GPR39: variants seen among roughly 807,000 people sequenced by gnomAD.
The protein encoded by GPR39 is zinc sensing receptor.
In GPR39, 23 loss-of-function variants were observed where a neutral mutation model predicts 18.4. That is an observed-to-expected ratio of 1.25 (90% confidence interval 0.90 to 1.77). The LOEUF is 1.77. Among genes scored for constraint, GPR39 ranks in the 40% most tolerant of loss-of-function variants. The pLI, the probability that GPR39 is intolerant of heterozygous loss-of-function variation, is 0.00. For missense variants in GPR39, 647 were observed against 602.4 expected, an observed-to-expected ratio of 1.07 and a Z score of -0.78; for synonymous variants, 280 against 257.9, an observed-to-expected ratio of 1.09 and a Z score of -0.82.
intron 1 of GPR39, among the ~76,000 whole-genome samples, chr2:132,599,807 G>T (rs1349741877): frequency 1.3e-5 from 2 of 152,180 alleles, no homozygotes; most frequent in African/African-American, 4.8e-5. Context: ...CTGGTAAACT[G>T]AGGTTGGGAT....
intron 1 of GPR39, among the ~76,000 whole-genome samples, chr2:132,609,946 T>C (rs901626937): frequency 2.0e-5 from 3 of 152,052 alleles, no homozygotes; most frequent in Non-Finnish European, 4.4e-5. Context: ...CCAAGTTTCC[T>C]AGTTCTGCAA....
chr2:132,430,893 C>T (rs1353339481), intron 1 of GPR39, among the ~76,000 whole-genome samples: 1 of 152,212 alleles, frequency 6.6e-6, no homozygotes, highest in Non-Finnish European at 1.5e-5. Context: ...TCCATGCAGA[C>T]TTTCCCCAGA....
At chr2:132,567,290 C>G (rs1040390886) in intron 1 of GPR39, among the ~76,000 whole-genome samples, 4 of 152,144 alleles carry the variant, frequency 2.6e-5, no homozygotes, top group African/African-American at 9.7e-5. Context: ...CCACTGCACT[C>G]CAGCCTGGGG....
At chr2:132,555,018 C>T (rs1460266434) in intron 1 of GPR39, among the ~76,000 whole-genome samples, 1 of 151,660 alleles carries the variant, frequency 6.6e-6, no homozygotes, top group Non-Finnish European at 1.5e-5. Flanking sequence ...GTGGCACAAT[C>T]TTAGCTCACT....
intron 1 of GPR39, among the ~76,000 whole-genome samples, chr2:132,604,087 T>G (rs1435083058): frequency 6.6e-6 from 1 of 152,136 alleles, no homozygotes; most frequent in Non-Finnish European, 1.5e-5. Context: ...GAGACATGCT[T>G]GCCCTACTGT....
chr2:132,635,027 C>A (rs1245919158), intron 1 of GPR39, among the ~76,000 whole-genome samples: 1 of 152,226 alleles, frequency 6.6e-6, no homozygotes, highest in Non-Finnish European at 1.5e-5. Flanking sequence ...CTGTCTAGTT[C>A]TCCTTTAGGG....
intron 1 of GPR39, among the ~76,000 whole-genome samples, chr2:132,587,043 TAA>T (rs1012687118): frequency 6.6e-6 from 1 of 152,228 alleles, no homozygotes; most frequent in Non-Finnish European, 1.5e-5. Context: ...TTGTCAGCAT[TAA>T]AAGACTGAAA....
Position 132,645,242 on chromosome 2 carries a change from T to C in GPR39, c.998T>C (p.Phe333Ser). 6.2e-7 allele frequency: 1 copy of C among 1,614,162 alleles called. No homozygotes were observed. The highest frequency in any genetic ancestry group is 8.5e-7 in the Non-Finnish European group (1 of 1,180,030). Residue 333 changes from phenylalanine (F) to serine (S), a missense_variant, in exon 2 of 2, where the codon TTC becomes TCC. Phe to Ser is a radical substitution (Grantham distance 155). Transcript: ENST00000329321. Reference protein sequence around the residue: ...MILLPFSETFFYLSSVINPLL... With the variant: ...MILLPFSETFSYLSSVINPLL... ...CTCCTCCCCTTCTCGGAGACGTTTT[T>C]CTACCTCAGCTCGGTCATCAACCCG...
At chr2:132,458,699 T>G (rs1471533719) in intron 1 of GPR39, among the ~76,000 whole-genome samples, 5 of 152,158 alleles carry the variant, frequency 3.3e-5, no homozygotes, top group Admixed American at 2.0e-4. Flanking sequence ...TCTTTGAATT[T>G]TCCCCCCAGG....
chr2:132,577,008 G>T (rs1364530475), intron 1 of GPR39, among the ~76,000 whole-genome samples: 1 of 151,302 alleles, frequency 6.6e-6, no homozygotes, highest in East Asian at 1.9e-4. Flanking sequence ...GATTATTTTA[G>T]CTATATAAGT....
At chr2:132,625,072 A>ATT (rs113383110) in intron 1 of GPR39, among the ~76,000 whole-genome samples, 11 of 141,272 alleles carry the variant, frequency 7.8e-5, no homozygotes, top group Non-Finnish European at 1.1e-4. Flanking sequence ...AGGTGCTCCA[A>ATT]TTTTTTTTTT....
At chr2:132,552,901 TACACACAC>T (rs1289375404) in intron 1 of GPR39, among the ~76,000 whole-genome samples, 1 of 97,624 alleles carries the variant, frequency 1.0e-5, no homozygotes, top group Non-Finnish European at 2.0e-5. Flanking sequence ...CATATATATA[TACACACAC>T]ATATATATAC....
At position 132,645,243 on chromosome 2, in the gene GPR39, C is replaced by G; in HGVS notation, c.999C>G (p.Phe333Leu). Residue 333 changes from phenylalanine to leucine, a missense_variant, in exon 2 of 2, where the codon TTC (phenylalanine) becomes TTG (leucine). By Grantham distance (22) the Phe-to-Leu change is conservative. Transcript: ENST00000329321. ...TCCTCCCCTTCTCGGAGACGTTTTTCTACCTCAGCTCGGTCATCAACCCGC... is the reference window on the plus strand; with the variant it reads ...TCCTCCCCTTCTCGGAGACGTTTTTGTACCTCAGCTCGGTCATCAACCCGC... ...MILLPFSETFFYLSSVINPLL... is the reference protein window; with the variant it reads ...MILLPFSETFLYLSSVINPLL... 2 of 1,614,216 alleles carry G rather than the reference C, an allele frequency of 1.2e-6. No individual in the cohort carries two copies. Among genetic ancestry groups the G allele is most frequent in the Non-Finnish European group, 1.7e-6 (2 of 1,180,036 alleles).
intron 1 of GPR39, among the ~76,000 whole-genome samples, chr2:132,568,921 C>T (rs1185847917): frequency 6.6e-6 from 1 of 152,040 alleles, no homozygotes; most frequent in African/African-American, 2.4e-5. Context: ...GCCTTATCTG[C>T]TACTGAGGGC....
intron 1 of GPR39, among the ~76,000 whole-genome samples, chr2:132,560,566 G>A (rs540433685): frequency 3.3e-5 from 5 of 152,284 alleles, no homozygotes; most frequent in Admixed American, 6.5e-5. Flanking sequence ...CTGGCCTTCC[G>A]ATTTCCCAGT....
intron 1 of GPR39, among the ~76,000 whole-genome samples, chr2:132,598,365 A>ATT (rs201356581): frequency 0.02 from 2,593 of 131,168 alleles, 71 homozygotes; most frequent in African/African-American, 0.068. Context: ...TCACCAAGGG[A>ATT]TTTTTTTTTT....
At chr2:132,537,158 T>C (rs1393929928) in intron 1 of GPR39, among the ~76,000 whole-genome samples, 1 of 152,226 alleles carries the variant, frequency 6.6e-6, no homozygotes, top group African/African-American at 2.4e-5. Context: ...AGTTTCTTCA[T>C]AGTGTCATTG....
At chr2:132,425,034 C>T (rs1025739322) in intron 1 of GPR39, among the ~76,000 whole-genome samples, 1 of 152,192 alleles carries the variant, frequency 6.6e-6, no homozygotes, top group Non-Finnish European at 1.5e-5. Context: ...TAAACTAGGT[C>T]ACAGTAGCTC....
At chr2:132,630,087 T>G (rs1188054287) in intron 1 of GPR39, among the ~76,000 whole-genome samples, 1 of 152,198 alleles carries the variant, frequency 6.6e-6, no homozygotes, top group Non-Finnish European at 1.5e-5. Context: ...CCAGACACTA[T>G]GCCAAGCACT....
Sources: allele counts gnomAD v4.1 joint callset (sites outside exome capture counted in the v4.1 genomes callset), GRCh38; gene constraint gnomAD v4.1.1; transcripts MANE v1.5; gene names NCBI Gene and HGNC (gene_info 2026-07-23, HGNC 2026-07-21).